HS6ST3: variants seen among roughly 807,000 people sequenced by gnomAD.
The protein encoded by HS6ST3 is heparan sulfate 6-O-sulfotransferase 3, also known as heparan-sulfate 6-O-sulfotransferase 3.
A neutral mutation model predicts 36.7 loss-of-function variants in HS6ST3; 12 were observed. The ratio of observed to expected loss-of-function variants is 0.33; its 90% confidence interval spans 0.21 to 0.53. HS6ST3 has a LOEUF of 0.53. Among genes scored for constraint, HS6ST3 ranks in the 20% least tolerant of loss-of-function variants. The pLI, the probability that HS6ST3 is intolerant of heterozygous loss-of-function variation, is 0.95. For synonymous variants in HS6ST3, 240 were observed against 257.5 expected (o/e 0.93, Z 0.65); for missense variants, 584 against 640.9 (o/e 0.91, Z 0.96).
chr13:96,468,352 A>G (rs906045581), intron 1 of HS6ST3, among the ~76,000 whole-genome samples: 5 of 152,152 alleles, frequency 3.3e-5, no homozygotes, highest in Admixed American at 3.3e-4. Context: ...TTAAATGGAA[A>G]TGAATTTGAA....
chr13:96,696,113 T>G (rs866280059), intron 1 of HS6ST3, among the ~76,000 whole-genome samples: 4 of 152,116 alleles, frequency 2.6e-5, no homozygotes, highest in Middle Eastern at 3.2e-3. Flanking sequence ...GAAATGTATT[T>G]TAAGGAATTG....
chr13:96,347,745 A>G (rs2055162551), intron 1 of HS6ST3, among the ~76,000 whole-genome samples: 1 of 152,104 alleles, frequency 6.6e-6, no homozygotes, highest in Non-Finnish European at 1.5e-5. Context: ...CTTTTGCTAT[A>G]TCTTTCTTTT....
At position 96,618,750 on chromosome 13, in the gene HS6ST3, G is replaced by A. The variant is rs113565637; in HGVS notation, c.708-213740G>A. Among the ~76,000 whole-genome samples, 1,116 of 152,204 alleles carry A rather than the reference G, an allele frequency of 7.3e-3. 13 individuals are homozygous for A. The highest frequency in any genetic ancestry group is 0.025 in the African/African-American group (1,048 of 41,514). On this transcript the variant is annotated intron_variant, in intron 1 of 1. Transcript: ENST00000376705. Reference sequence around the variant, plus strand: ...CTATTCACTATTTCTGCCACCTTTTGTCATTTACATTCAAGCCTTGAACTG... The same window carrying A: ...CTATTCACTATTTCTGCCACCTTTTATCATTTACATTCAAGCCTTGAACTG...
intron 1 of HS6ST3, among the ~76,000 whole-genome samples, chr13:96,325,419 A>G (rs2055025646): frequency 6.6e-6 from 1 of 152,212 alleles, no homozygotes; most frequent in African/African-American, 2.4e-5. Flanking sequence ...ATTCTTTAAT[A>G]AACAATTAAA....
At chr13:96,682,021 A>C (rs1364385271) in intron 1 of HS6ST3, among the ~76,000 whole-genome samples, 1 of 152,152 alleles carries the variant, frequency 6.6e-6, no homozygotes, top group Non-Finnish European at 1.5e-5. Context: ...CTGGAAGCCA[A>C]GGAAATGTAT....
intron 1 of HS6ST3, among the ~76,000 whole-genome samples, chr13:96,791,787 G>A (rs774638823): frequency 6.6e-6 from 1 of 151,912 alleles, no homozygotes; most frequent in South Asian, 2.1e-4. Flanking sequence ...TTAACATTCT[G>A]TCCCTGATAA....
In HS6ST3 at chr13:96,453,551, T is replaced by TA. The variant is rs201110633; in HGVS notation, c.707+361984dup. On this transcript the variant is annotated intron_variant, in intron 1 of 1. Coordinates refer to ENST00000376705, the MANE Select transcript of HS6ST3 (RefSeq NM_153456.4). ...CCATCTCTCAACAGCCAAGTGAAAA[T>TA]AACCAGGCCGTGCCTCAATATGCCT... is the stretch of plus-strand genomic sequence containing the variant. Among the ~76,000 whole-genome samples the TA allele has an allele frequency of 1.1e-3, 160 of 152,188 alleles. 2 individuals carry two copies. The East Asian group carries it at 0.028, about 27-fold the overall frequency.
Position 96,465,634 on chromosome 13 carries a change from C to T in HS6ST3, c.708-366856C>T, listed in dbSNP as rs959591958. Among the ~76,000 whole-genome samples the T allele has an allele frequency of 5.9e-5, 9 of 152,150 alleles. No individual in the cohort carries two copies. In the South Asian group the frequency reaches 1.0e-3, roughly 18 times the overall value. On this transcript the variant is annotated intron_variant, in intron 1 of 1. Coordinates refer to ENST00000376705, the MANE Select transcript of HS6ST3 (RefSeq NM_153456.4). Reference sequence around the variant, plus strand: ...TGAGGGTATGCTTAGAAAAATATGGCGTGATCGTGGATGGAGCAAAAAAGA... The same window carrying T: ...TGAGGGTATGCTTAGAAAAATATGGTGTGATCGTGGATGGAGCAAAAAAGA...
intron 1 of HS6ST3, among the ~76,000 whole-genome samples, chr13:96,813,505 T>C (rs1485729043): frequency 6.6e-6 from 1 of 152,218 alleles, no homozygotes; most frequent in Non-Finnish European, 1.5e-5. Context: ...TGTTACTCAG[T>C]GAATAAAAGC....
At chr13:96,614,621 A>C (rs2056467972) in intron 1 of HS6ST3, among the ~76,000 whole-genome samples, 1 of 152,210 alleles carries the variant, frequency 6.6e-6, no homozygotes, top group Non-Finnish European at 1.5e-5. Flanking sequence ...AACTTGTGAA[A>C]GTCCAATTTA....
At chr13:96,723,500 G>C (rs1054359414) in intron 1 of HS6ST3, among the ~76,000 whole-genome samples, 1 of 152,204 alleles carries the variant, frequency 6.6e-6, no homozygotes, top group Non-Finnish European at 1.5e-5. Context: ...TTAAGCCGCT[G>C]TTATTTAGAG....
At chr13:96,681,861 T>G (rs1778820685) in intron 1 of HS6ST3, among the ~76,000 whole-genome samples, 1 of 152,146 alleles carries the variant, frequency 6.6e-6, no homozygotes, top group African/African-American at 2.4e-5. Context: ...AAATCTTGTT[T>G]TGTCCTTTCT....
chr13:96,413,540 A>G (rs1164363804), intron 1 of HS6ST3, among the ~76,000 whole-genome samples: 1 of 152,248 alleles, frequency 6.6e-6, no homozygotes, highest in Non-Finnish European at 1.5e-5. Flanking sequence ...GAGAATTTGT[A>G]GAGGATACTG....
intron 1 of HS6ST3, among the ~76,000 whole-genome samples, chr13:96,537,589 G>A (rs1432239667): frequency 6.6e-6 from 1 of 152,112 alleles, no homozygotes; most frequent in Non-Finnish European, 1.5e-5. Flanking sequence ...TTCTAAGATT[G>A]TAAACATCTC....
chr13:96,799,986 A>ATATATATATGTGTGTG (rs1555325255), intron 1 of HS6ST3, among the ~76,000 whole-genome samples: 1 of 124,298 alleles, frequency 8.0e-6, no homozygotes, highest in African/African-American at 3.9e-5. Flanking sequence ...ATATATGTAT[A>ATATATATATGTGTGTG]TATATATATA....
intron 1 of HS6ST3, among the ~76,000 whole-genome samples, chr13:96,469,963 A>G (rs543937151): frequency 1.1e-3 from 166 of 152,346 alleles, no homozygotes; most frequent in African/African-American, 3.7e-3. Flanking sequence ...TTAAGAAGAA[A>G]GTCTTTATCA....
chr13:96,152,316 C>CTTTTTTTTT lies in HS6ST3; in HGVS notation c.707+60758_707+60766dup, dbSNP rs766489670. 2.0e-3 allele frequency among the ~76,000 whole-genome samples: 194 copies of CTTTTTTTTT among 96,882 alleles called. 1 individual carries two copies. The highest frequency in any genetic ancestry group is 5.9e-3 in the Middle Eastern group (1 of 170). 63.6% of individuals were successfully genotyped at this position (96,882 alleles called of 152,430 possible). ...AGTATATTTCCAACTGGCCCCTTTC[C>CTTTTTTTTT]TTTTTTTTTTTTTTTTTTTGTTGTT... On this transcript the variant is annotated intron_variant, in intron 1 of 1. Coordinates refer to ENST00000376705, the MANE Select transcript of HS6ST3 (RefSeq NM_153456.4).
At position 96,659,148 on chromosome 13, in the gene HS6ST3, A is replaced by G. The variant is rs144541649; in HGVS notation, c.708-173342A>G. 8.6e-3 allele frequency among the ~76,000 whole-genome samples: 1,305 copies of G among 152,316 alleles called. 23 individuals carry two copies. The highest frequency in any genetic ancestry group is 0.03 in the African/African-American group (1,248 of 41,560). On this transcript the variant is annotated intron_variant, in intron 1 of 1. Transcript: ENST00000376705. ...TTATTCTTCCTTTAGCAAGATATGA[A>G]TGGTCCAGTTACTCTGCATTATTGC... is the stretch of plus-strand genomic sequence containing the variant.
intron 1 of HS6ST3, among the ~76,000 whole-genome samples, chr13:96,494,211 C>G (rs1037119180): frequency 1.3e-5 from 2 of 151,872 alleles, no homozygotes; most frequent in African/African-American, 4.8e-5. Flanking sequence ...TACTATGCAG[C>G]CATAAAAAAT....
Sources: allele counts gnomAD v4.1 joint callset (sites outside exome capture counted in the v4.1 genomes callset), GRCh38; gene constraint gnomAD v4.1.1; transcripts MANE v1.5; gene names NCBI Gene and HGNC (gene_info 2026-07-23, HGNC 2026-07-21).